ZNF569: variants seen among roughly 807,000 people sequenced by gnomAD.
ZNF569 encodes DNA-binding protein.
A neutral mutation model predicts 56.3 loss-of-function variants in ZNF569; 38 were observed. The observed-to-expected ratio is 0.68, with a 90% CI of 0.52 to 0.88. The LOEUF is 0.88. Among genes scored for constraint, ZNF569 ranks in the 40% least tolerant of loss-of-function variants. The pLI is 0.00. For missense variants in ZNF569, 666 were observed against 809.2 expected, an observed-to-expected ratio of 0.82 and a Z score of 2.15; for synonymous variants, 241 against 262.9, an observed-to-expected ratio of 0.92 and a Z score of 0.81.
chr19:37,428,887 GGTCTCT>G (rs2041180305), intron 3 of ZNF569, among the ~76,000 whole-genome samples: 1 of 151,660 alleles, frequency 6.6e-6, no homozygotes, highest in Non-Finnish European at 1.5e-5. Flanking sequence ...TGGCCAAGCT[GGTCTCT>G]AACTCCTAAC....
intron 3 of ZNF569, among the ~76,000 whole-genome samples, chr19:37,440,686 C>G (rs1208375525): frequency 1.3e-5 from 2 of 151,942 alleles, no homozygotes; most frequent in African/African-American, 4.8e-5. Context: ...AAGGAAGTAA[C>G]AAAAAACAAT....
intron 3 of ZNF569, among the ~76,000 whole-genome samples, chr19:37,437,400 C>G (rs190833358): frequency 6.6e-6 from 1 of 152,212 alleles, no homozygotes; most frequent in Admixed American, 6.5e-5. Context: ...AAACAGAAAG[C>G]CTTTCCTTTA....
chr19:37,445,047 C>A, intron 2 of ZNF569, 83 bp from the exon 3 acceptor site: 1 of 1,015,612 alleles, frequency 9.8e-7, no homozygotes, highest in South Asian at 1.6e-5. Flanking sequence ...TAAAGGTCAC[C>A]CTGTAGTGGA....
intron 5 of ZNF569, among the ~76,000 whole-genome samples, chr19:37,418,643 A>C (rs973639769): frequency 2.6e-5 from 4 of 152,212 alleles, no homozygotes; most frequent in Non-Finnish European, 5.9e-5. Context: ...TGCACCATGA[A>C]AGGTGGGAAT....
rs199661417 is a variant in ZNF569 at position 37,426,364 on chromosome 19, G to A, written c.30C>T (p.Phe10=). MTESQGTVT[F]KDVAIDFTQE... is the part of the protein sequence containing the mutation. The stretch of plus-strand genomic sequence containing the variant: ...GAGTGAAGTCGATAGCCACATCTTT[G>A]AATGTTACTGTTCCCTGTAACAACA... Residue 10 remains phenylalanine (F), a synonymous_variant, in exon 4 of 6, where the codon TTC becomes TTT. Coordinates refer to ENST00000316950, the MANE Select transcript of ZNF569 (RefSeq NM_152484.3). 130 of 1,609,994 alleles carry A rather than the reference G, an allele frequency of 8.1e-5. No homozygotes were observed. The highest frequency in any genetic ancestry group is 2.1e-5 in the Non-Finnish European group (25 of 1,178,526).
intron 5 of ZNF569, among the ~76,000 whole-genome samples, chr19:37,421,743 C>CTTTTT (rs748058159): frequency 3.6e-4 from 29 of 79,686 alleles, no homozygotes; most frequent in Admixed American, 1.2e-3. Context: ...TGTAGTGGCA[C>CTTTTT]TTTTTTTTTT....
intron 5 of ZNF569, among the ~76,000 whole-genome samples, chr19:37,420,698 C>T (rs928603875): frequency 1.3e-5 from 2 of 152,150 alleles, no homozygotes; most frequent in Non-Finnish European, 2.9e-5. Context: ...CCATGAGTGT[C>T]GAATGAACCT....
intron 1 of ZNF569, among the ~76,000 whole-genome samples, chr19:37,466,583 C>T (rs1477057487): frequency 1.3e-5 from 2 of 152,086 alleles, no homozygotes; most frequent in African/African-American, 4.8e-5. Context: ...GCCAAGATCG[C>T]GCCATTGCCC....
upstream of ZNF569, chr19:37,469,090 G>T (rs1035780828): frequency 1.3e-5 from 13 of 1,035,384 alleles, no homozygotes; most frequent in African/African-American, 2.2e-4. Context: ...GTAGTGTGAC[G>T]CTGGGCCCCG....
At chr19:37,418,444 G>A (rs1046778696) in intron 5 of ZNF569, among the ~76,000 whole-genome samples, 11 of 152,014 alleles carry the variant, frequency 7.2e-5, no homozygotes, top group Non-Finnish European at 1.5e-4. Context: ...AACCAACGAA[G>A]ACAAAGACCA....
At chr19:37,459,563 AT>A (rs147306690) in intron 2 of ZNF569, among the ~76,000 whole-genome samples, 16,988 of 152,204 alleles carry the variant, frequency 0.11, 1,213 homozygotes, top group Non-Finnish European at 0.16. Context: ...CCTGTAAGAA[AT>A]GTTAAAAAGT....
chr19:37,467,872 T>A, upstream of ZNF569: 1 of 1,536,084 alleles, frequency 6.5e-7, no homozygotes, highest in South Asian at 1.2e-5. Flanking sequence ...ATTCTGACCT[T>A]GCAGTTTTGT....
At chr19:37,451,399 GA>G (rs74174466) in intron 2 of ZNF569, among the ~76,000 whole-genome samples, 46,149 of 105,120 alleles carry the variant, frequency 0.44, 7,940 homozygotes, top group South Asian at 0.62. Flanking sequence ...GACCCCATCT[GA>G]AAAAAAAAAA....
rs2040842387 is a variant in ZNF569 at position 37,411,654 on chromosome 19, AAATT to A, written c.*939_*942del. 1 of 152,152 alleles carries A rather than the reference AAATT, an allele frequency of 6.6e-6. No individual in the cohort carries two copies. The highest frequency in any genetic ancestry group is 1.5e-5 in the Non-Finnish European group (1 of 67,992). 9.4% of individuals were successfully genotyped at this position (152,152 alleles called of 1,614,324 possible). A position where few individuals can be genotyped will look rare whatever the true frequency, so the allele number is the denominator to read the frequency against. The stretch of plus-strand genomic sequence containing the variant: ...GGATTCTACTTTCATCATAGTTTTA[AAATT>A]TTGCTTTTTATATTCTGGTCTTTAG... On this transcript the variant is annotated 3_prime_UTR_variant, in exon 6 of 6. Transcript: ENST00000316950.
Position 37,412,937 on chromosome 19 carries a change from C to A in ZNF569, c.1721G>T (p.Gly574Val), listed in dbSNP as rs1253068788. 1 of 1,613,718 alleles carries A rather than the reference C, an allele frequency of 6.2e-7. No individual in the cohort carries two copies. Among genetic ancestry groups the A allele is most frequent in the Non-Finnish European group, 8.5e-7 (1 of 1,179,886 alleles). ...LLNLHMRSHT[G>V]EKPYVCNECG... ...TTCATTACATACATAGGGCTTCTCA[C>A]CTGTGTGACTTCTCATATGTAAATT... is the stretch of plus-strand genomic sequence containing the variant. Residue 574 changes from glycine (G) to valine (V), a missense_variant, in exon 6 of 6, where the codon GGT becomes GTT. Gly to Val is a moderately radical substitution (Grantham distance 109). Transcript: ENST00000316950.
intron 2 of ZNF569, among the ~76,000 whole-genome samples, chr19:37,454,157 C>T (rs1466022523): frequency 6.6e-6 from 1 of 152,182 alleles, no homozygotes; most frequent in Non-Finnish European, 1.5e-5. Context: ...ATAATATCCT[C>T]TAATAATATC....
At chr19:37,450,168 G>A (rs1266704139) in intron 2 of ZNF569, among the ~76,000 whole-genome samples, 1 of 152,130 alleles carries the variant, frequency 6.6e-6, no homozygotes, top group African/African-American at 2.4e-5. Flanking sequence ...CTGGCCTCAT[G>A]AGTCTGGAAC....
At chr19:37,435,061 G>A (rs766051387) in intron 3 of ZNF569, among the ~76,000 whole-genome samples, 3 of 152,122 alleles carry the variant, frequency 2.0e-5, no homozygotes, top group Non-Finnish European at 4.4e-5. Context: ...GGAGGCGGAG[G>A]TTGCAGTGAG....
chr19:37,466,834 G>T (rs2041848191), intron 1 of ZNF569: 2 of 152,324 alleles, frequency 1.3e-5, no homozygotes, highest in South Asian at 2.1e-4. Flanking sequence ...GCGCCTCCAC[G>T]AAATCCGCTT....
Sources: gnomAD v4.1 joint callset for allele counts (sites outside exome capture counted in the v4.1 genomes callset) on GRCh38, gnomAD v4.1.1 for gene constraint, MANE v1.5 for transcripts, NCBI Gene and HGNC (gene_info 2026-07-23, HGNC 2026-07-21) for gene names.